The following SPOCK1 variants were observed in gnomAD, a reference collection of about 807,000 sequenced individuals.
SPOCK1 encodes the protein SPARC (osteonectin), cwcv and kazal like domains proteoglycan 1, also known as testican-1.
Under a neutral mutation model 55.3 loss-of-function variants are expected in SPOCK1, and 23 were observed. The observed-to-expected ratio is 0.42, with a 90% confidence interval of 0.30 to 0.59. The LOEUF is 0.59. Among genes scored for constraint, SPOCK1 ranks in the 20% least tolerant of loss-of-function variants. SPOCK1 has a pLI of 0.22. For missense variants in SPOCK1, 499 were observed against 552.5 expected (o/e 0.90, Z 0.97); for synonymous variants, 226 against 221.0 (o/e 1.02, Z -0.20).
chr5:137,305,007 C>G lies in SPOCK1; in HGVS notation c.187-37952G>C, dbSNP rs540777119. ...ATCCAAAACCAAAGCGTTGGCAGAG[C>G]CACATTCCCTCTGAAAGCTGTAGGG... On this transcript the variant is annotated intron_variant, in intron 2 of 10. Coordinates refer to ENST00000394945, the MANE Select transcript of SPOCK1 (RefSeq NM_004598.4). Among the ~76,000 whole-genome samples the G allele has an allele frequency of 2.0e-5, 3 of 152,296 alleles. No homozygotes were observed. The South Asian group carries it at 6.2e-4, about 32-fold the overall frequency.
chr5:137,375,915 C>G (rs368388429), intron 2 of SPOCK1, among the ~76,000 whole-genome samples: 1 of 152,174 alleles, frequency 6.6e-6, no homozygotes, highest in African/African-American at 2.4e-5. Context: ...ACAAAGTCCA[C>G]GCCTGCCACT....
intron 2 of SPOCK1, among the ~76,000 whole-genome samples, chr5:137,321,596 G>C (rs1169803293): frequency 6.6e-6 from 1 of 152,068 alleles, no homozygotes; most frequent in Non-Finnish European, 1.5e-5. Flanking sequence ...AAAAAAAAGG[G>C]CCAGGGCGGT....
chr5:137,424,127 C>A (rs1752558655), intron 2 of SPOCK1, among the ~76,000 whole-genome samples: 1 of 152,154 alleles, frequency 6.6e-6, no homozygotes, highest in African/African-American at 2.4e-5. Context: ...CACCTGTAAT[C>A]TCAGTCTTTT....
At chr5:137,267,117 T>C in intron 2 of SPOCK1, 62 bp from the exon 3 acceptor site, 1 of 1,403,094 alleles carries the variant, frequency 7.1e-7, no homozygotes, top group Non-Finnish European at 1.0e-6. Context: ...CATAACTGCA[T>C]AAAAACCTGC....
In SPOCK1 at chr5:137,197,630, T is replaced by A. The variant is rs986487824; in HGVS notation, c.233-56936A>T. 4.7e-4 allele frequency among the ~76,000 whole-genome samples: 72 copies of A among 152,332 alleles called. 1 individual carries two copies. The highest frequency in any genetic ancestry group is 1.5e-3 in the African/African-American group (63 of 41,580). On this transcript the variant is annotated intron_variant, in intron 3 of 10. Transcript: ENST00000394945. Reference sequence around the variant, plus strand: ...GTAACACATTGTATTCCTTTAAAAATTTTTTTAAGTTTCTTTTTTTCTGAT... The same window carrying A: ...GTAACACATTGTATTCCTTTAAAAAATTTTTTAAGTTTCTTTTTTTCTGAT...
At chr5:137,296,683 C>T (rs577815496) in intron 2 of SPOCK1, among the ~76,000 whole-genome samples, 24 of 152,344 alleles carry the variant, frequency 1.6e-4, no homozygotes, top group African/African-American at 5.8e-4. Context: ...TTAGGGCTTT[C>T]CTCTGGAAGG....
intron 3 of SPOCK1, among the ~76,000 whole-genome samples, chr5:137,244,787 C>G (rs1756362253): frequency 6.6e-6 from 1 of 151,912 alleles, no homozygotes; most frequent in South Asian, 2.1e-4. Flanking sequence ...TACCTGGGTG[C>G]CCTTTTTCCC....
chr5:137,479,299 G>A (rs1458252904), intron 2 of SPOCK1, among the ~76,000 whole-genome samples: 1 of 152,192 alleles, frequency 6.6e-6, no homozygotes, highest in African/African-American at 2.4e-5. Context: ...TGGGTTAGTA[G>A]AGCAAGGAAT....
At chr5:137,431,146 T>C (rs761097101) in intron 2 of SPOCK1, among the ~76,000 whole-genome samples, 4 of 152,174 alleles carry the variant, frequency 2.6e-5, no homozygotes, top group Non-Finnish European at 5.9e-5. Context: ...GTTGAGCTAA[T>C]GAGGCAAGGA....
At chr5:137,476,825 T>TGAGGTGGAAGGATCGCTTGAACCTGG (rs1561545839) in intron 2 of SPOCK1, among the ~76,000 whole-genome samples, 1 of 152,058 alleles carries the variant, frequency 6.6e-6, no homozygotes, top group African/African-American at 2.4e-5. Context: ...CTTGGAAGGC[T>TGAGGTGGAAGGATCGCTTGAACCTGG]GAGGTGGAAG....
intron 3 of SPOCK1, among the ~76,000 whole-genome samples, chr5:137,150,849 C>G (rs999096178): frequency 6.6e-6 from 1 of 151,832 alleles, no homozygotes; most frequent in East Asian, 1.9e-4. Context: ...CTCAGAGCCT[C>G]AGATGAAGAG....
rs1018868939 is a variant in SPOCK1 at position 136,988,605 on chromosome 5, G to A, written c.745C>T (p.Leu249=). The A allele has an allele frequency of 6.2e-7, 1 of 1,613,802 alleles. No homozygotes were observed. The highest frequency in any genetic ancestry group is 8.5e-7 in the Non-Finnish European group (1 of 1,179,820). ...TCCAACTTGTTGAACATCCAGCCCA[G>A]GGAGTCCTTGCAGATGGGCAGGATG... ...TSILPICKDS[L]GWMFNKLDMN... is the part of the protein sequence containing the mutation. Residue 249 remains leucine (L), a synonymous_variant, in exon 8 of 11, where the codon CTG becomes TTG. Transcript: ENST00000394945.
chr5:137,373,837 G>A (rs767367489), intron 2 of SPOCK1, among the ~76,000 whole-genome samples: 5 of 152,240 alleles, frequency 3.3e-5, no homozygotes, highest in Admixed American at 6.5e-5. Context: ...GCAGTGTGAT[G>A]TTGGGTGGGT....
At chr5:137,447,014 C>T (rs1318157857) in intron 2 of SPOCK1, among the ~76,000 whole-genome samples, 2 of 152,192 alleles carry the variant, frequency 1.3e-5, no homozygotes, top group Admixed American at 6.5e-5. Context: ...AAGGATTCCA[C>T]TTGTATGTAT....
intron 3 of SPOCK1, among the ~76,000 whole-genome samples, chr5:137,188,836 T>C (rs1490160586): frequency 6.6e-6 from 1 of 152,184 alleles, no homozygotes; most frequent in Admixed American, 6.5e-5. Context: ...AAGTTGTGAA[T>C]ACAAAGGAAA....
intron 2 of SPOCK1, among the ~76,000 whole-genome samples, chr5:137,405,340 C>T (rs1007375467): frequency 3.9e-5 from 6 of 152,188 alleles, no homozygotes; most frequent in Admixed American, 1.3e-4. Context: ...TCCCATAAAT[C>T]GGCTGAACTG....
intron 3 of SPOCK1, among the ~76,000 whole-genome samples, chr5:137,265,172 C>A (rs1423305790): frequency 6.6e-6 from 1 of 152,172 alleles, no homozygotes; most frequent in Non-Finnish European, 1.5e-5. Flanking sequence ...TGTTAACTCC[C>A]AAACCAAGGG....
At chr5:137,398,181 G>A (rs1303004732) in intron 2 of SPOCK1, among the ~76,000 whole-genome samples, 3 of 152,020 alleles carry the variant, frequency 2.0e-5, no homozygotes, top group Non-Finnish European at 4.4e-5. Context: ...TGCCATTTCT[G>A]AGCATCTGCA....
chr5:137,206,644 T>C (rs1012254182), intron 3 of SPOCK1, among the ~76,000 whole-genome samples: 2 of 152,250 alleles, frequency 1.3e-5, no homozygotes. Context: ...TAGATGTATT[T>C]AGGAAATGCT....
Sources: allele counts gnomAD v4.1 joint callset (sites outside exome capture counted in the v4.1 genomes callset), GRCh38; gene constraint gnomAD v4.1.1; transcripts MANE v1.5; gene names NCBI Gene and HGNC (gene_info 2026-07-23, HGNC 2026-07-21).